The following BTAF1 variants were observed in gnomAD, a reference collection of about 807,000 sequenced individuals.
BTAF1 encodes the protein B-TFIID TATA-box binding protein associated factor 1, also known as TATA-binding protein-associated factor 172.
Under a neutral mutation model 227.1 loss-of-function variants are expected in BTAF1, and 38 were observed. The observed-to-expected ratio is 0.17, with a 90% confidence interval of 0.13 to 0.22. The LOEUF (loss-of-function observed/expected upper bound fraction) is 0.22, where lower values mean the gene tolerates loss of function less well. BTAF1 is among the 10% of genes least tolerant of loss of function. BTAF1 has a pLI of 1.00. For missense variants in BTAF1, 1,598 were observed against 2,204.0 expected (o/e 0.73, Z 5.51); for synonymous variants, 742 against 751.9 (o/e 0.99, Z 0.21).
At position 91,993,763 on chromosome 10, in the gene BTAF1, G is replaced by C. The variant is rs780845029; in HGVS notation, c.3115G>C (p.Gly1039Arg). 1.2e-6 allele frequency: 2 copies of C among 1,609,058 alleles called. No individual in the cohort carries two copies. The highest frequency in any genetic ancestry group is 1.7e-6 in the Non-Finnish European group (2 of 1,176,954). The change falls in exon 22 of 38, where the codon GGT becomes CGT. Residue 1039 changes from glycine to arginine, a missense_variant. This residue lies in a region of BTAF1 where 425 missense variants were observed against 491.2 expected (regional missense o/e 0.87). Transcript: ENST00000265990. ...TTTGACAACTATAGTAAAGCATTTT[G>C]GTGGTGAAATGGCAGTGAAGTTGCC... Reference protein sequence around the residue: ...FALTTIVKHFGGEMAVKLPHL... With the variant: ...FALTTIVKHFRGEMAVKLPHL...
chr10:92,008,619 G>T (rs560036769), intron 26 of BTAF1, among the ~76,000 whole-genome samples: 1 of 152,086 alleles, frequency 6.6e-6, no homozygotes, highest in East Asian at 1.9e-4. Context: ...AAAGTGCTGG[G>T]ATTAGAGATG....
intron 25 of BTAF1, among the ~76,000 whole-genome samples, chr10:91,998,756 A>T (rs1173398101): frequency 6.6e-6 from 1 of 152,112 alleles, no homozygotes; most frequent in Non-Finnish European, 1.5e-5. Context: ...AGCTTTTATT[A>T]ATAGTTATTA....
At chr10:91,958,661 C>T (rs111913778) in intron 8 of BTAF1, among the ~76,000 whole-genome samples, 1 of 152,134 alleles carries the variant, frequency 6.6e-6, no homozygotes, top group South Asian at 2.1e-4. Flanking sequence ...CAAGATTGCA[C>T]CACTGCCCTC....
chr10:91,955,798 G>T (rs1846047043), intron 6 of BTAF1, among the ~76,000 whole-genome samples: 2 of 152,158 alleles, frequency 1.3e-5, no homozygotes, highest in Admixed American at 6.5e-5. Flanking sequence ...TAAGGGAAGA[G>T]TAATAGGAAA....
In BTAF1 at chr10:92,029,099, C is replaced by G. The variant is rs1590018739; in HGVS notation, c.*166C>G. ...TTCACTGGGGGAAACAAGTTATTCT[C>G]AAATATTTGCACTGTATTAAATTTA... On this transcript the variant is annotated 3_prime_UTR_variant, in exon 38 of 38. Transcript: ENST00000265990. 4 of 563,486 alleles carry G rather than the reference C, an allele frequency of 7.1e-6. No homozygotes were observed. The East Asian group carries it at 1.3e-4, about 19-fold the overall frequency. 34.9% of individuals were successfully genotyped at this position (563,486 alleles called of 1,614,324 possible).
chr10:91,930,325 G>A (rs1328868049), intron 1 of BTAF1, among the ~76,000 whole-genome samples: 2 of 152,144 alleles, frequency 1.3e-5, no homozygotes, highest in African/African-American at 2.4e-5. Flanking sequence ...AGCATAGCTT[G>A]GTTGTACATT....
chr10:92,026,252 A>G (rs1851511373), intron 35 of BTAF1, among the ~76,000 whole-genome samples: 1 of 152,132 alleles, frequency 6.6e-6, no homozygotes, highest in Non-Finnish European at 1.5e-5. Flanking sequence ...CTGTTCTCAC[A>G]CTTCTCTGTC....
chr10:91,993,677 T>C lies in BTAF1; in HGVS notation c.3046-17T>C. 1 of 1,437,882 alleles carries C rather than the reference T, an allele frequency of 7.0e-7. No homozygotes were observed. The highest frequency in any genetic ancestry group is 2.4e-5 in the East Asian group (1 of 40,932). The allele number at this position is 1,437,882 out of a possible 1,614,324, so 89.1% of individuals were successfully genotyped here. On this transcript the variant is annotated splice_polypyrimidine_tract_variant and intron_variant, in intron 21 of 37. Transcript: ENST00000265990. Reference sequence around the variant, plus strand: ...TTTTTTCTGAAATTCTGTTTTTATCTAACATTTAATTTTAAGGCCCAGAAG... The same window carrying C: ...TTTTTTCTGAAATTCTGTTTTTATCCAACATTTAATTTTAAGGCCCAGAAG...
At chr10:91,999,526 C>T (rs541488485) in intron 25 of BTAF1, among the ~76,000 whole-genome samples, 1 of 152,298 alleles carries the variant, frequency 6.6e-6, no homozygotes, top group Admixed American at 6.5e-5. Flanking sequence ...TCCTTAGTAG[C>T]TGGGATTACA....
At chr10:92,002,023 A>G (rs1231126794) in intron 25 of BTAF1, among the ~76,000 whole-genome samples, 1 of 148,562 alleles carries the variant, frequency 6.7e-6, no homozygotes, top group Non-Finnish European at 1.5e-5. Flanking sequence ...CACTCCATAT[A>G]TTCAAGGTAG....
chr10:91,960,022 G>A lies in BTAF1; in HGVS notation c.1131G>A (p.Val377=). The A allele has an allele frequency of 1.2e-6, 2 of 1,612,404 alleles. No homozygotes were observed. Among genetic ancestry groups the A allele is most frequent in the African/African-American group, 1.3e-5 (1 of 74,972 alleles). Residue 377 remains valine, a synonymous_variant, in exon 11 of 38, where the codon GTG becomes GTA. Coordinates refer to ENST00000265990, the MANE Select transcript of BTAF1 (RefSeq NM_003972.3). ...VRETCAQTLG[V]VLKHMNETGV... Reference sequence around the variant, plus strand: ...AAACTTGTGCTCAAACATTAGGTGTGGTTTTAAAACACATGAACGAAACAG... The same window carrying A: ...AAACTTGTGCTCAAACATTAGGTGTAGTTTTAAAACACATGAACGAAACAG...
chr10:91,939,999 A>G lies in BTAF1; in HGVS notation c.186A>G (p.Ala62=). The change falls in exon 3 of 38, where the codon GCA becomes GCG. Residue 62 remains alanine (A), a synonymous_variant. Transcript: ENST00000265990. ...CAAATTGGGATACCCGGATTGCAGC[A>G]GGACAAGCTGTTGAAGCTATAGTGA... ...RSANWDTRIA[A]GQAVEAIVKN... is the part of the protein sequence containing the mutation. 1 of 1,613,292 alleles carries G rather than the reference A, an allele frequency of 6.2e-7. No individual in the cohort carries two copies. Among genetic ancestry groups the G allele is most frequent in the East Asian group, 2.2e-5 (1 of 44,846 alleles).
At chr10:91,983,284 G>A (rs1848189419) in intron 18 of BTAF1, among the ~76,000 whole-genome samples, 1 of 152,214 alleles carries the variant, frequency 6.6e-6, no homozygotes. Flanking sequence ...CTTCTAGGGA[G>A]ATGTATGATT....
At chr10:92,028,731 A>G (rs1590017775) in intron 37 of BTAF1, 59 bp from the exon 38 acceptor site, 2 of 1,482,842 alleles carry the variant, frequency 1.3e-6, no homozygotes, top group African/African-American at 1.4e-5. Context: ...AAAGGAAAAT[A>G]CAATTTGTGA....
intron 23 of BTAF1, among the ~76,000 whole-genome samples, chr10:91,995,540 A>T (rs1437608664): frequency 1.3e-5 from 2 of 151,820 alleles, no homozygotes; most frequent in Admixed American, 1.3e-4. Flanking sequence ...GCCGGGCGTG[A>T]TGGGACATGC....
chr10:92,017,412 A>T (rs1453901364), intron 33 of BTAF1, among the ~76,000 whole-genome samples: 1 of 152,212 alleles, frequency 6.6e-6, no homozygotes, highest in Admixed American at 6.5e-5. Context: ...TTCCCTCTTG[A>T]ATAGTCCACC....
At chr10:91,998,139 AAAAAG>A (rs1341647605) in intron 25 of BTAF1, among the ~76,000 whole-genome samples, 4 of 151,234 alleles carry the variant, frequency 2.6e-5, no homozygotes, top group African/African-American at 4.9e-5. Context: ...AAAAAAAAAA[AAAAAG>A]AAAAGAAAAG....
At chr10:91,973,626 C>T (rs549917758) in intron 14 of BTAF1, among the ~76,000 whole-genome samples, 15 of 152,208 alleles carry the variant, frequency 9.9e-5, no homozygotes, top group East Asian at 9.6e-4. Flanking sequence ...CTTTCCCGGC[C>T]GGGCGCGGTG....
rs770557707 is a variant in BTAF1 at position 92,027,233 on chromosome 10, G to C, written c.5339G>C (p.Ser1780Thr). The change falls in exon 37 of 38, where the codon AGC (serine) becomes ACC (threonine). Residue 1780 changes from serine to threonine, a missense_variant. By Grantham distance (58) the Ser-to-Thr change is moderately conservative (BLOSUM62 1). This residue lies in a region of BTAF1 where 79 missense variants were observed against 97.9 expected (regional missense o/e 0.81). Coordinates refer to ENST00000265990, the MANE Select transcript of BTAF1 (RefSeq NM_003972.3). Reference sequence around the variant, plus strand: ...ATGAACATAGCGAATACTGTTATTAGCCAAGAGAATTCTAGTTTGCAGAGC... The same window carrying C: ...ATGAACATAGCGAATACTGTTATTACCCAAGAGAATTCTAGTTTGCAGAGC... ...FKMNIANTVISQENSSLQSMG... is the reference protein window; with the variant it reads ...FKMNIANTVITQENSSLQSMG... 2 of 1,614,026 alleles carry C rather than the reference G, an allele frequency of 1.2e-6. No homozygotes were observed. The highest frequency in any genetic ancestry group is 3.3e-5 in the Admixed American group (2 of 60,006).
Sources: gnomAD v4.1 joint callset for allele counts (sites outside exome capture counted in the v4.1 genomes callset) on GRCh38, gnomAD v4.1.1 for gene constraint, gnomAD v4.1.1 regional missense constraint, MANE v1.5 for transcripts, NCBI Gene and HGNC (gene_info 2026-07-23, HGNC 2026-07-21) for gene names.